Variants in NRXN3 observed in about 807,000 individuals in gnomAD.
NRXN3 encodes the protein neurexin III.
A neutral mutation model predicts 137.6 loss-of-function variants in NRXN3; 32 were observed. That is an observed-to-expected ratio of 0.23 (90% CI 0.18 to 0.31). NRXN3 has a LOEUF of 0.31. Among genes scored for constraint, NRXN3 ranks in the 10% least tolerant of loss-of-function variants. The pLI is 1.00. For missense variants in NRXN3, 1,574 were observed against 2,062.5 expected (o/e 0.76, Z 4.59); for synonymous variants, 798 against 784.5 (o/e 1.02, Z -0.29).
chr14:79,391,682 T>C (rs1015231651), intron 15 of NRXN3, among the ~76,000 whole-genome samples: 3 of 152,196 alleles, frequency 2.0e-5, no homozygotes, highest in Admixed American at 2.0e-4. Flanking sequence ...GCCAAATACA[T>C]TGGGACTTGG....
At chr14:79,741,851 CTG>C (rs2098964470) in intron 19 of NRXN3, among the ~76,000 whole-genome samples, 2 of 151,742 alleles carry the variant, frequency 1.3e-5, no homozygotes, top group African/African-American at 4.8e-5. Context: ...ACGTATATAT[CTG>C]TATATAGGTA....
chr14:78,286,876 A>G (rs1212933610), intron 3 of NRXN3, among the ~76,000 whole-genome samples: 2 of 152,230 alleles, frequency 1.3e-5, no homozygotes. Flanking sequence ...GATGAGAGGC[A>G]GGAAATTTTA....
intron 3 of NRXN3, among the ~76,000 whole-genome samples, chr14:78,279,326 G>C (rs2074071299): frequency 6.6e-6 from 1 of 152,212 alleles, no homozygotes; most frequent in African/African-American, 2.4e-5. Flanking sequence ...AGCATTGCGT[G>C]TGTATAGACA....
intron 16 of NRXN3, among the ~76,000 whole-genome samples, chr14:79,635,301 T>C (rs1401579823): frequency 1.3e-5 from 2 of 152,174 alleles, no homozygotes; most frequent in Non-Finnish European, 2.9e-5. Flanking sequence ...TCAGATCATT[T>C]TATGCCTCTT....
chr14:78,244,049 A>G (rs2067335554), intron 2 of NRXN3, among the ~76,000 whole-genome samples: 1 of 152,200 alleles, frequency 6.6e-6, no homozygotes, highest in South Asian at 2.1e-4. Context: ...GGTTAGATGA[A>G]GTAGGCTGCA....
intron 3 of NRXN3, among the ~76,000 whole-genome samples, chr14:78,289,255 GC>G (rs2075528631): frequency 6.6e-6 from 1 of 152,156 alleles, no homozygotes. Context: ...ATTATTTGAA[GC>G]TTTGTATAGC....
chr14:79,668,798 C>T (rs2098587031), intron 17 of NRXN3, among the ~76,000 whole-genome samples: 1 of 152,016 alleles, frequency 6.6e-6, no homozygotes, highest in South Asian at 2.1e-4. Context: ...TCCACAAGTG[C>T]CAAATACCCT....
chr14:79,675,419 T>G (rs961220468), intron 17 of NRXN3, among the ~76,000 whole-genome samples: 1 of 152,122 alleles, frequency 6.6e-6, no homozygotes, highest in Non-Finnish European at 1.5e-5. Flanking sequence ...AAAACTTGCT[T>G]TACAAAAACA....
intron 8 of NRXN3, among the ~76,000 whole-genome samples, chr14:78,758,241 T>A (rs1389668275): frequency 6.6e-6 from 1 of 152,230 alleles, no homozygotes; most frequent in Non-Finnish European, 1.5e-5. Flanking sequence ...ATCTGTACAA[T>A]GAACGTATTG....
chr14:79,314,958 C>G (rs1185914161), intron 15 of NRXN3, among the ~76,000 whole-genome samples: 2 of 152,174 alleles, frequency 1.3e-5, no homozygotes, highest in Non-Finnish European at 2.9e-5. Context: ...GGGAAGCATT[C>G]TAAGCTTTTG....
chr14:78,825,973 G>A (rs2098965453), intron 10 of NRXN3, among the ~76,000 whole-genome samples: 1 of 152,180 alleles, frequency 6.6e-6, no homozygotes, highest in African/African-American at 2.4e-5. Context: ...AGTTGGATGA[G>A]TATCATGCAT....
intron 6 of NRXN3, among the ~76,000 whole-genome samples, chr14:78,704,596 C>G (rs2098326465): frequency 6.6e-6 from 1 of 152,090 alleles, no homozygotes; most frequent in Admixed American, 6.5e-5. Flanking sequence ...TAAGGGGTTT[C>G]TGCTTTGTGT....
At position 78,709,458 on chromosome 14, in the gene NRXN3, A is replaced by C; in HGVS notation, c.1463A>C (p.His488Pro). The C allele has an allele frequency of 6.2e-7, 1 of 1,614,124 alleles. No individual in the cohort carries two copies. Among genetic ancestry groups the C allele is most frequent in the South Asian group, 1.1e-5 (1 of 91,078 alleles). Residue 488 changes from histidine to proline, a missense_variant, in exon 7 of 21, where the codon CAT becomes CCT. His to Pro is a moderately conservative substitution (Grantham distance 77, BLOSUM62 -2). Transcript: ENST00000335750. ...TEPNGLILFT[H>P]GKPQERKDAR... ...CCCAATGGCCTGATCCTCTTCACTC[A>C]TGGAAAGCCCCAAGAGAGGAAGGAT... is the stretch of plus-strand genomic sequence containing the variant.
chr14:78,294,711 G>A (rs1178643595), intron 3 of NRXN3, among the ~76,000 whole-genome samples: 1 of 152,172 alleles, frequency 6.6e-6, no homozygotes, highest in Non-Finnish European at 1.5e-5. Flanking sequence ...AACTTTCCTA[G>A]CGTCACAAGT....
intron 4 of NRXN3, among the ~76,000 whole-genome samples, chr14:78,508,211 A>G (rs1040705705): frequency 2.0e-5 from 3 of 152,204 alleles, no homozygotes; most frequent in Admixed American, 1.3e-4. Context: ...GCTGATTGAC[A>G]CTAATACCGG....
At chr14:79,371,132 A>C (rs2094095335) in intron 15 of NRXN3, among the ~76,000 whole-genome samples, 1 of 152,212 alleles carries the variant, frequency 6.6e-6, no homozygotes, top group African/African-American at 2.4e-5. Flanking sequence ...ATGGCAGATC[A>C]GGTGGATTTT....
At chr14:79,027,563 T>C (rs1001868777) in intron 15 of NRXN3, among the ~76,000 whole-genome samples, 3 of 152,164 alleles carry the variant, frequency 2.0e-5, no homozygotes, top group Non-Finnish European at 4.4e-5. Context: ...AGCAGTTAGC[T>C]GTCGCTTGCC....
At chr14:79,036,605 T>G (rs1302606334) in intron 15 of NRXN3, among the ~76,000 whole-genome samples, 2 of 20,208 alleles carry the variant, frequency 9.9e-5, no homozygotes, top group African/African-American at 2.7e-4. Flanking sequence ...TTTTTTTTTT[T>G]TTTTTTTTTT....
intron 19 of NRXN3, among the ~76,000 whole-genome samples, chr14:79,741,122 A>T (rs1394223671): frequency 2.0e-5 from 3 of 152,152 alleles, no homozygotes; most frequent in Non-Finnish European, 4.4e-5. Context: ...CTTCTTAAAA[A>T]ATAAAAATAT....
Sources: allele counts gnomAD v4.1 joint callset (sites outside exome capture counted in the v4.1 genomes callset), GRCh38; gene constraint gnomAD v4.1.1; transcripts MANE v1.5; gene names NCBI Gene and HGNC (gene_info 2026-07-23, HGNC 2026-07-21).